Variants in SLC44A5 observed in about 807,000 individuals in gnomAD.
SLC44A5 encodes the protein solute carrier family 44 member 5.
In SLC44A5, 57 loss-of-function variants were observed where a neutral mutation model predicts 101.8. The observed-to-expected ratio is 0.56, with a 90% confidence interval of 0.45 to 0.70. The LOEUF (loss-of-function observed/expected upper bound fraction) is 0.70. Ranked by LOEUF, SLC44A5 falls within the 30% of genes least tolerant of loss-of-function variation. SLC44A5 has a pLI of 0.00. For missense variants in SLC44A5, 737 were observed against 853.1 expected (o/e 0.86, Z 1.70); for synonymous variants, 281 against 290.9 (o/e 0.97, Z 0.35).
chr1:75,582,042 G>A (rs943480675), intron 1 of SLC44A5: 28 of 654,200 alleles, frequency 4.3e-5, no homozygotes, highest in Non-Finnish European at 7.2e-5. Flanking sequence ...TATACAAAAG[G>A]ATACTGAGCT....
At chr1:75,670,850 C>A in the SLC44A5 span, among the ~76,000 whole-genome samples, 51 of 152,252 alleles carry the variant, frequency 3.3e-4, no homozygotes, top group African/African-American at 1.2e-3. Context: ...GTTTTAAATG[C>A]CAGACATATG....
intron 2 of SLC44A5, among the ~76,000 whole-genome samples, chr1:75,447,170 T>C (rs543065119): frequency 1.6e-4 from 25 of 152,290 alleles, no homozygotes; most frequent in African/African-American, 5.8e-4. Context: ...GCTGCCCTAA[T>C]ATGCTTTCAA....
intron 1 of SLC44A5, among the ~76,000 whole-genome samples, chr1:75,607,908 T>C (rs1047317533): frequency 1.3e-5 from 2 of 152,020 alleles, no homozygotes; most frequent in South Asian, 4.1e-4. Context: ...AACAAACTAA[T>C]ACAATATCCA....
chr1:75,469,506 A>G (rs76549394), intron 2 of SLC44A5, among the ~76,000 whole-genome samples: 3,447 of 152,300 alleles, frequency 0.023, 55 homozygotes, highest in Non-Finnish European at 0.038. Context: ...TCCTTTTGGC[A>G]ATATCATTCT....
intron 2 of SLC44A5, among the ~76,000 whole-genome samples, chr1:75,466,133 T>A (rs1432723555): frequency 6.6e-6 from 1 of 152,108 alleles, no homozygotes; most frequent in Admixed American, 6.5e-5. Flanking sequence ...TTCAACAAAA[T>A]ACTAGCAAAC....
At chr1:75,333,212 A>G (rs753879873) in intron 4 of SLC44A5, among the ~76,000 whole-genome samples, 8 of 152,212 alleles carry the variant, frequency 5.3e-5, no homozygotes, top group Non-Finnish European at 1.0e-4. Flanking sequence ...CAAATGTAGA[A>G]GGAAATGAAG....
At chr1:75,395,865 C>G (rs1662091158) in intron 3 of SLC44A5, among the ~76,000 whole-genome samples, 1 of 152,012 alleles carries the variant, frequency 6.6e-6, no homozygotes, top group African/African-American at 2.4e-5. Context: ...ATATAATAAT[C>G]TTTTATTTGA....
the SLC44A5 span, among the ~76,000 whole-genome samples, chr1:75,709,846 T>C: frequency 6.6e-6 from 1 of 152,256 alleles, no homozygotes; most frequent in East Asian, 1.9e-4. Context: ...ATAGCAGCTT[T>C]ATTTGTAATA....
chr1:75,365,053 G>A (rs1442437548), intron 3 of SLC44A5, among the ~76,000 whole-genome samples: 1 of 151,970 alleles, frequency 6.6e-6, no homozygotes, highest in Non-Finnish European at 1.5e-5. Context: ...TTGCCATTTT[G>A]TTCATTGTTT....
At chr1:75,557,243 A>G (rs1672268011) in intron 1 of SLC44A5, among the ~76,000 whole-genome samples, 1 of 152,156 alleles carries the variant, frequency 6.6e-6, no homozygotes, top group South Asian at 2.1e-4. Flanking sequence ...CCCCAAAGCC[A>G]TCTTAATATG....
intron 7 of SLC44A5, among the ~76,000 whole-genome samples, chr1:75,250,438 T>C (rs1043925235): frequency 2.0e-5 from 3 of 152,222 alleles, no homozygotes; most frequent in Non-Finnish European, 2.9e-5. Context: ...ATCTTTGCTA[T>C]TGTGAATAGT....
intron 6 of SLC44A5, among the ~76,000 whole-genome samples, chr1:75,266,498 G>A (rs1651004587): frequency 6.6e-6 from 1 of 152,070 alleles, no homozygotes; most frequent in Non-Finnish European, 1.5e-5. Flanking sequence ...TAAGACTTAG[G>A]GTTAGAATGT....
chr1:75,540,135 C>T (rs547037225), intron 2 of SLC44A5, among the ~76,000 whole-genome samples: 48 of 152,286 alleles, frequency 3.2e-4, no homozygotes, highest in African/African-American at 1.1e-3. Flanking sequence ...TAACACACTT[C>T]TGAATTTCTA....
intron 2 of SLC44A5, among the ~76,000 whole-genome samples, chr1:75,476,237 G>A (rs943068434): frequency 3.3e-5 from 5 of 152,198 alleles, no homozygotes; most frequent in African/African-American, 1.2e-4. Flanking sequence ...ACAAGGTAGA[G>A]CATTTAGAAT....
intron 2 of SLC44A5, among the ~76,000 whole-genome samples, chr1:75,406,705 C>T (rs917271124): frequency 4.6e-5 from 7 of 152,088 alleles, no homozygotes; most frequent in African/African-American, 9.7e-5. Context: ...ATTGATGGAA[C>T]GTATCTCAAA....
intron 4 of SLC44A5, among the ~76,000 whole-genome samples, chr1:75,305,094 T>G (rs1298247581): frequency 1.3e-5 from 2 of 152,252 alleles, no homozygotes; most frequent in African/African-American, 4.8e-5. Context: ...TCCAATTACA[T>G]GTGCATGTGC....
chr1:75,567,964 C>G (rs1282608875), intron 1 of SLC44A5, among the ~76,000 whole-genome samples: 1 of 152,134 alleles, frequency 6.6e-6, no homozygotes, highest in Non-Finnish European at 1.5e-5. Flanking sequence ...TACCCCATGG[C>G]TGCAATAATG....
chr1:75,318,871 T>C (rs1207860796), intron 4 of SLC44A5, among the ~76,000 whole-genome samples: 1 of 152,188 alleles, frequency 6.6e-6, no homozygotes, highest in Non-Finnish European at 1.5e-5. Flanking sequence ...CTTCCTGTCC[T>C]TCAACACCAG....
chr1:75,351,420 T>C (rs1331880072), intron 3 of SLC44A5, among the ~76,000 whole-genome samples: 1 of 151,954 alleles, frequency 6.6e-6, no homozygotes, highest in Non-Finnish European at 1.5e-5. Context: ...AAAATCAATC[T>C]CAGATAGAAA....
Sources: allele counts gnomAD v4.1 joint callset (sites outside exome capture counted in the v4.1 genomes callset), GRCh38; gene constraint gnomAD v4.1.1; transcripts MANE v1.5; gene names NCBI Gene and HGNC (gene_info 2026-07-23, HGNC 2026-07-21).